The following LAMA3 variants were observed in gnomAD, a reference collection of about 807,000 sequenced individuals.
LAMA3 encodes the protein laminin subunit alpha 3.
A neutral mutation model predicts 402.0 loss-of-function variants in LAMA3; 281 were observed. The observed-to-expected ratio is 0.70, with a 90% CI of 0.63 to 0.77. LAMA3 has a LOEUF of 0.77. LAMA3 is among the 30% of genes least tolerant of loss of function. The probability of loss-of-function intolerance (pLI) is 0.00; values close to 1 mark genes in which losing one functional copy is unlikely to be tolerated. For synonymous variants in LAMA3, 1,431 were observed against 1,558.4 expected, an observed-to-expected ratio of 0.92 and a Z score of 1.93; for missense variants, 3,840 against 4,215.5, an observed-to-expected ratio of 0.91 and a Z score of 2.47.
chr18:23,840,714 T>C (rs762660044), intron 27 of LAMA3, among the ~76,000 whole-genome samples: 5 of 152,234 alleles, frequency 3.3e-5, no homozygotes, highest in Non-Finnish European at 5.9e-5. Context: ...TATAATAAAG[T>C]AATGCATTCC....
chr18:23,751,244 TTATATC>T (rs2061747123), intron 5 of LAMA3, among the ~76,000 whole-genome samples, 156 bp downstream of exon 5: 1 of 152,032 alleles, frequency 6.6e-6, no homozygotes, highest in African/African-American at 2.4e-5. Context: ...AATTAGGAGT[TTATATC>T]TAATGACTTA....
intron 47 of LAMA3, 81 bp from the exon 48 acceptor site, chr18:23,901,046 C>A: frequency 7.9e-7 from 1 of 1,263,362 alleles, no homozygotes; most frequent in Non-Finnish European, 1.1e-6. Context: ...AGTAGAAACT[C>A]GATTCTCCCT....
intron 8 of LAMA3, among the ~76,000 whole-genome samples, chr18:23,768,913 C>G (rs2062135829): frequency 6.6e-6 from 1 of 152,200 alleles, no homozygotes; most frequent in Admixed American, 6.5e-5. Flanking sequence ...CACACGTTCT[C>G]ACTTTCAAGT....
At chr18:23,795,496 T>C (rs1283193267) in intron 12 of LAMA3, among the ~76,000 whole-genome samples, 1 of 152,188 alleles carries the variant, frequency 6.6e-6, no homozygotes, top group Non-Finnish European at 1.5e-5. Context: ...AGTAAGAGTA[T>C]GAGATTAAAT....
At chr18:23,881,249 A>G (rs1337503821) in intron 39 of LAMA3, among the ~76,000 whole-genome samples, 1 of 152,276 alleles carries the variant, frequency 6.6e-6, no homozygotes, top group Non-Finnish European at 1.5e-5. Context: ...AATTGGATTT[A>G]CATAAATAAA....
chr18:23,904,212 G>A, intron 50 of LAMA3, 125 bp downstream of exon 50: 1 of 1,091,536 alleles, frequency 9.2e-7, no homozygotes, highest in Non-Finnish European at 1.4e-6. Context: ...CGGAGGGTGG[G>A]GTCAAGGCCA....
chr18:23,819,496 ATGAG>A (rs1166492775), intron 18 of LAMA3, among the ~76,000 whole-genome samples: 1 of 152,240 alleles, frequency 6.6e-6, no homozygotes, highest in Non-Finnish European at 1.5e-5. Context: ...ATATAAATGA[ATGAG>A]TGATTAAATA....
chr18:23,689,687 G>C lies in LAMA3; in HGVS notation c.4G>C (p.Ala2Pro). 1 of 1,318,360 alleles carries C rather than the reference G, an allele frequency of 7.6e-7. No homozygotes were observed. Among genetic ancestry groups the C allele is most frequent in the Non-Finnish European group, 9.6e-7 (1 of 1,040,370 alleles). 81.7% of individuals were successfully genotyped at this position (1,318,360 alleles called of 1,614,324 possible). A position where few individuals can be genotyped will look rare whatever the true frequency, so the allele number is the denominator to read the frequency against. M[A>P]AAARPRGRAL... ...CGGGAGGACCCCGCGCGGCTGGATG[G>C]CGGCGGCCGCGCGGCCTCGGGGTCG... Residue 2 changes from alanine (A) to proline (P), a missense_variant, in exon 1 of 75, where the codon GCG becomes CCG. Transcript: ENST00000313654.
At chr18:23,951,610 G>A (rs1440686964) in intron 72 of LAMA3, 74 bp from the exon 73 acceptor site, 9 of 1,187,686 alleles carry the variant, frequency 7.6e-6, no homozygotes, top group Non-Finnish European at 1.1e-5. Flanking sequence ...CCGGTTTGGG[G>A]AGGGAAGATG....
At chr18:23,871,144 A>G (rs1394854452) in intron 37 of LAMA3, among the ~76,000 whole-genome samples, 1 of 152,192 alleles carries the variant, frequency 6.6e-6, no homozygotes, top group Non-Finnish European at 1.5e-5. Flanking sequence ...ATGTTTGCAC[A>G]AACAAAAGCA....
At chr18:23,872,146 A>G (rs2064543302) in intron 38 of LAMA3, among the ~76,000 whole-genome samples, 1 of 152,210 alleles carries the variant, frequency 6.6e-6, no homozygotes, top group Admixed American at 6.5e-5. Context: ...CCAGCATCTT[A>G]GTATTTGAGC....
intron 65 of LAMA3, chr18:23,931,673 A>G (rs1230166377): frequency 4.6e-6 from 1 of 215,080 alleles, no homozygotes; most frequent in Admixed American, 5.3e-5. Context: ...TGAGTCACAC[A>G]TAAAAGTTCA....
At chr18:23,809,765 A>T (rs2063031410) in intron 12 of LAMA3, among the ~76,000 whole-genome samples, 1 of 152,082 alleles carries the variant, frequency 6.6e-6, no homozygotes, top group South Asian at 2.1e-4. Flanking sequence ...TGCCTGCACC[A>T]TTTTTTCCAT....
chr18:23,933,709 GCT>G (rs1397915785), intron 66 of LAMA3, 71 bp from the exon 67 acceptor site: 1 of 1,530,738 alleles, frequency 6.5e-7, no homozygotes, highest in African/African-American at 1.4e-5. Context: ...TTTGAAATGA[GCT>G]CTCTCTACCA....
At chr18:23,773,614 C>T (rs777687699) in intron 9 of LAMA3, 27 bp downstream of exon 9, 2 of 1,466,716 alleles carry the variant, frequency 1.4e-6, no homozygotes, top group Non-Finnish European at 9.4e-7. Flanking sequence ...GTTGGTGTAT[C>T]TTAGCCTGTG....
At chr18:23,934,340 G>A (rs1315103539) in intron 67 of LAMA3, among the ~76,000 whole-genome samples, 2 of 152,130 alleles carry the variant, frequency 1.3e-5, no homozygotes, top group Non-Finnish European at 2.9e-5. Flanking sequence ...GTGTACCCTT[G>A]ACTACAGACT....
chr18:23,839,951 A>G lies in LAMA3; in HGVS notation c.3336+22A>G. ...GCAGGTAGTGTGCTGTTTCTAAACC[A>G]GTGGTTCTCAAAGTATGACCTCTGA... On this transcript the variant is annotated intron_variant, in intron 27 of 74. Transcript: ENST00000313654. This position sits in a 1 kb window ranked among gnomAD's most constrained non-coding sequence, Gnocchi z 4.5. The G allele has an allele frequency of 6.2e-7, 1 of 1,613,718 alleles. No homozygotes were observed. Among genetic ancestry groups the G allele is most frequent in the South Asian group, 1.1e-5 (1 of 91,076 alleles).
At chr18:23,770,633 C>T (rs1418891804) in intron 8 of LAMA3, among the ~76,000 whole-genome samples, 6 of 151,968 alleles carry the variant, frequency 3.9e-5, no homozygotes, top group African/African-American at 1.4e-4. Context: ...TGGTGGCGGG[C>T]GCCTGTAGTC....
chr18:23,689,877 C>A lies in LAMA3; in HGVS notation c.194C>A (p.Thr65Asn), dbSNP rs1306896054. The change falls in exon 1 of 75, where the codon ACC becomes AAC. Residue 65 changes from threonine to asparagine, a missense_variant. By Grantham distance (65) the Thr-to-Asn change is moderately conservative. Transcript: ENST00000313654. ...AEAARIWATA[T>N]CGERGPGEGR... ...GCGGCGAGGATTTGGGCCACCGCCA[C>A]CTGCGGGGAGAGGGGACCCGGCGAG... The A allele has an allele frequency of 6.5e-7, 1 of 1,544,628 alleles. No individual in the cohort carries two copies. Among genetic ancestry groups the A allele is most frequent in the Non-Finnish European group, 8.7e-7 (1 of 1,145,146 alleles).
Sources: gnomAD v4.1 joint callset for allele counts (sites outside exome capture counted in the v4.1 genomes callset) on GRCh38, gnomAD v4.1.1 for gene constraint, Gnocchi (gnomAD v3.1) non-coding constraint, MANE v1.5 for transcripts, NCBI Gene and HGNC (gene_info 2026-07-23, HGNC 2026-07-21) for gene names.